NAV3: variants seen among roughly 807,000 people sequenced by gnomAD.
NAV3 encodes the protein pore membrane and/or filament interacting like protein 1.
In NAV3, 87 loss-of-function variants were observed where a neutral mutation model predicts 244.7. That is an observed-to-expected ratio of 0.36 (90% CI 0.30 to 0.42). The LOEUF (loss-of-function observed/expected upper bound fraction) is 0.42. Among genes scored for constraint, NAV3 ranks in the 20% least tolerant of loss-of-function variants. The probability of loss-of-function intolerance (pLI) is 1.00; values close to 1 mark genes in which losing one functional copy is unlikely to be tolerated. For missense variants in NAV3, 2,663 were observed against 2,893.3 expected (o/e 0.92, Z 1.83); for synonymous variants, 1,126 against 1,042.2 (o/e 1.08, Z -1.55).
chr12:77,718,424 A>G (rs891983539), intron 2 of NAV3, among the ~76,000 whole-genome samples: 3 of 151,994 alleles, frequency 2.0e-5, no homozygotes, highest in Non-Finnish European at 4.4e-5. Flanking sequence ...ATTCTGCTCC[A>G]TTGGTTTATA....
upstream of NAV3, among the ~76,000 whole-genome samples, chr12:77,828,852 C>T (rs911164193): frequency 3.3e-5 from 5 of 152,038 alleles, no homozygotes; most frequent in African/African-American, 7.2e-5. Context: ...CCAGGAATTA[C>T]GATACATTCT....
chr12:78,016,586 A>T (rs1037560774), intron 8 of NAV3, among the ~76,000 whole-genome samples: 1 of 152,192 alleles, frequency 6.6e-6, no homozygotes, highest in Non-Finnish European at 1.5e-5. Context: ...TGAAGAAAAT[A>T]GGAAAGCAAG....
intron 28 of NAV3, 84 bp downstream of exon 28, chr12:78,177,769 C>T: frequency 8.2e-7 from 1 of 1,226,546 alleles, no homozygotes; most frequent in Non-Finnish European, 1.2e-6. Context: ...TCTAAAATCA[C>T]TCACATGCAT....
In NAV3 at chr12:77,913,498, T is replaced by C. The variant is rs148479521; in HGVS notation, c.244-26821T>C. 2.0e-5 allele frequency among the ~76,000 whole-genome samples: 3 copies of C among 152,156 alleles called. No individual in the cohort carries two copies. In the East Asian group the frequency reaches 5.8e-4, roughly 30 times the overall value. On this transcript the variant is annotated intron_variant, in intron 1 of 39. Transcript: ENST00000397909. Reference sequence around the variant, plus strand: ...CCCAAGCTGGAGTGCAGTGGCGCAATCTCGATTCACTGCAACCTCCCGTAC... The same window carrying C: ...CCCAAGCTGGAGTGCAGTGGCGCAACCTCGATTCACTGCAACCTCCCGTAC...
At chr12:78,033,724 C>T (rs1189541316) in intron 9 of NAV3, among the ~76,000 whole-genome samples, 1 of 152,158 alleles carries the variant, frequency 6.6e-6, no homozygotes, top group Non-Finnish European at 1.5e-5. Flanking sequence ...TCTACAATCC[C>T]CTCCTTGCTG....
At position 77,755,754 on chromosome 12, in the gene NAV3, G is replaced by A. The variant is rs374107136; in HGVS notation, c.72+183488G>A. Among the ~76,000 whole-genome samples, 49 of 133,738 alleles carry A rather than the reference G, an allele frequency of 3.7e-4. 1 individual carries two copies. In the East Asian group the frequency reaches 7.6e-3, roughly 21 times the overall value. 87.7% of individuals were successfully genotyped at this position (133,738 alleles called of 152,430 possible). Reference sequence around the variant, plus strand: ...CTTTCTTTTCCTTTTTCTTTTCTTCGTCAGGGTCTTGCCTTGTCACTCAGG... The same window carrying A: ...CTTTCTTTTCCTTTTTCTTTTCTTCATCAGGGTCTTGCCTTGTCACTCAGG... On this transcript the variant is annotated intron_variant, in intron 2 of 8. Transcript: ENST00000550042.
chr12:77,983,883 G>A (rs911331376), intron 5 of NAV3, among the ~76,000 whole-genome samples: 1 of 152,092 alleles, frequency 6.6e-6, no homozygotes, highest in African/African-American at 2.4e-5. Context: ...ATTATTCCTG[G>A]AATCTAGATA....
At chr12:77,949,604 A>G (rs1456274471) in intron 3 of NAV3, among the ~76,000 whole-genome samples, 1 of 151,862 alleles carries the variant, frequency 6.6e-6, no homozygotes, top group Non-Finnish European at 1.5e-5. Context: ...TTTCCTATCT[A>G]CCCCTTTCCC....
intron 12 of NAV3, among the ~76,000 whole-genome samples, chr12:78,071,804 A>C (rs145841527): frequency 0.011 from 1,604 of 152,244 alleles, 11 homozygotes; most frequent in Admixed American, 0.017. Flanking sequence ...CCCTCAGCAA[A>C]TGTAAAAGAA....
At position 77,886,245 on chromosome 12, in the gene NAV3, C is replaced by G. The variant is rs1883275639; in HGVS notation, c.244-54074C>G. Among the ~76,000 whole-genome samples, 3 of 152,238 alleles carry G rather than the reference C, an allele frequency of 2.0e-5. No homozygotes were observed. In the South Asian group the frequency reaches 6.2e-4, roughly 32 times the overall value. Reference sequence around the variant, plus strand: ...GACCTGGTCCTGCATTCAATTACAGCCTCATTTCTCCGCTCTAGTAACATT... The same window carrying G: ...GACCTGGTCCTGCATTCAATTACAGGCTCATTTCTCCGCTCTAGTAACATT... On this transcript the variant is annotated intron_variant, in intron 1 of 39. Coordinates refer to ENST00000397909, the MANE Select transcript of NAV3 (RefSeq NM_001024383.2).
chr12:77,602,550 T>C (rs969859249), intron 2 of NAV3, among the ~76,000 whole-genome samples: 1 of 151,652 alleles, frequency 6.6e-6, no homozygotes, highest in African/African-American at 2.4e-5. Context: ...ATAGCAGAGA[T>C]CTAAAGGATA....
intron 2 of NAV3, among the ~76,000 whole-genome samples, chr12:77,619,009 A>G (rs1275979930): frequency 1.3e-5 from 2 of 152,172 alleles, no homozygotes; most frequent in Non-Finnish European, 2.9e-5. Context: ...GCCTTAGGAG[A>G]TTTGCTTCCA....
chr12:77,936,536 T>C (rs979112275), intron 1 of NAV3, among the ~76,000 whole-genome samples: 35 of 152,306 alleles, frequency 2.3e-4, no homozygotes, highest in South Asian at 8.3e-4. Context: ...TAGTTTGATA[T>C]TGTTCCCAAT....
At chr12:77,904,888 G>C (rs1387078616) in intron 1 of NAV3, among the ~76,000 whole-genome samples, 2 of 151,610 alleles carry the variant, frequency 1.3e-5, no homozygotes, top group Non-Finnish European at 2.9e-5. Context: ...TGTCAGAGTT[G>C]GTGTTTGCTT....
At chr12:77,607,288 A>G (rs1870712279) in intron 2 of NAV3, among the ~76,000 whole-genome samples, 1 of 152,126 alleles carries the variant, frequency 6.6e-6, no homozygotes, top group Non-Finnish European at 1.5e-5. Context: ...ATTTAGGAAG[A>G]ATCTTCTACT....
At chr12:78,112,616 G>A (rs1394358327) in intron 12 of NAV3, among the ~76,000 whole-genome samples, 1 of 152,120 alleles carries the variant, frequency 6.6e-6, no homozygotes, top group African/African-American at 2.4e-5. Flanking sequence ...CACAATTAGA[G>A]TAACTGCCCC....
chr12:77,886,893 T>G (rs141898311), intron 1 of NAV3, among the ~76,000 whole-genome samples: 2 of 152,174 alleles, frequency 1.3e-5, no homozygotes, highest in African/African-American at 4.8e-5. Context: ...TATGAGATTT[T>G]TCAATTGTTT....
rs747321815 is a variant in NAV3, at chr12:78,210,500, C to T, written c.7141C>T (p.Leu2381Phe). ...SHHEDILDSS[L>F]ESTL is the part of the protein sequence containing the mutation. Reference sequence around the variant, plus strand: ...CCATGAAGACATTTTGGATTCATCTCTTGAATCTACCCTCTAGAGGGTGAA... The same window carrying T: ...CCATGAAGACATTTTGGATTCATCTTTTGAATCTACCCTCTAGAGGGTGAA... Residue 2381 changes from leucine (L) to phenylalanine (F), a missense_variant, in exon 40 of 40, where the codon CTT (leucine) becomes TTT (phenylalanine). By Grantham distance (22) the Leu-to-Phe change is conservative. This residue lies in a region of NAV3 where 543 missense variants were observed against 672.4 expected (regional missense o/e 0.81). Transcript: ENST00000397909. 6.2e-7 allele frequency: 1 copy of T among 1,613,662 alleles called. No individual in the cohort carries two copies. The highest frequency in any genetic ancestry group is 1.3e-5 in the African/African-American group (1 of 74,922).
chr12:78,135,651 G>T (rs1460192447), intron 18 of NAV3, among the ~76,000 whole-genome samples: 1 of 152,258 alleles, frequency 6.6e-6, no homozygotes, highest in East Asian at 1.9e-4. Context: ...AGAATAGGGT[G>T]ACTTACCCCA....
Sources: allele counts gnomAD v4.1 joint callset (sites outside exome capture counted in the v4.1 genomes callset), GRCh38; gene constraint gnomAD v4.1.1; regional missense constraint gnomAD v4.1.1; transcripts MANE v1.5; gene names NCBI Gene and HGNC (gene_info 2026-07-23, HGNC 2026-07-21).